The following RPTOR variants were observed in gnomAD, a reference collection of about 807,000 sequenced individuals.
The protein encoded by RPTOR is regulatory-associated protein of mTOR.
Under a neutral mutation model 169.9 loss-of-function variants are expected in RPTOR, and 21 were observed. That is an observed-to-expected ratio of 0.12 (90% confidence interval 0.09 to 0.18). RPTOR has a LOEUF of 0.18. Among genes scored for constraint, RPTOR ranks in the 10% least tolerant of loss-of-function variants. The pLI is 1.00. For synonymous variants in RPTOR, 732 were observed against 753.2 expected, an observed-to-expected ratio of 0.97 and a Z score of 0.46; for missense variants, 1,133 against 1,855.9, an observed-to-expected ratio of 0.61 and a Z score of 7.16.
At chr17:80,924,014 T>C (rs2068781656) in intron 23 of RPTOR, 1 of 355,976 alleles carries the variant, frequency 2.8e-6, no homozygotes, top group Admixed American at 4.4e-5. Flanking sequence ...GAGCACGGAG[T>C]TACCTGGCTC....
Position 80,878,352 on chromosome 17 carries a change from A to AT in RPTOR, c.1510-2051dup, listed in dbSNP as rs1309028931. On this transcript the variant is annotated intron_variant, in intron 13 of 33. Transcript: ENST00000306801. This position sits in a 1 kb window ranked among gnomAD's most constrained non-coding sequence, Gnocchi z 4.1. Reference sequence around the variant, plus strand: ...CTCTGACTCCACGACCTGAGCACAGATTTTTTTTTTTTGAGACGTAGTCTT... The same window carrying AT: ...CTCTGACTCCACGACCTGAGCACAGATTTTTTTTTTTTTGAGACGTAGTCTT... 3.9e-3 allele frequency among the ~76,000 whole-genome samples: 573 copies of AT among 147,904 alleles called. 3 individuals are homozygous for AT. Among genetic ancestry groups the AT allele is most frequent in the African/African-American group, 0.011 (465 of 40,518 alleles).
intron 2 of RPTOR, among the ~76,000 whole-genome samples, chr17:80,641,137 A>G (rs2065550988): frequency 6.6e-6 from 1 of 152,252 alleles, no homozygotes; most frequent in Admixed American, 6.5e-5. Context: ...GTCTGATCAC[A>G]GCACAGTTGA....
intron 7 of RPTOR, chr17:80,801,524 G>A (rs1412555840): frequency 1.3e-5 from 2 of 152,118 alleles, no homozygotes; most frequent in Admixed American, 6.5e-5. Flanking sequence ...CACAGGGTTT[G>A]GGGGGGCAGC....
At chr17:80,744,415 C>CCCTGGCTACTAGCACTGT (rs2066539110) in intron 5 of RPTOR, among the ~76,000 whole-genome samples, 1 of 28,628 alleles carries the variant, frequency 3.5e-5, no homozygotes, top group African/African-American at 1.1e-4. Flanking sequence ...ACTAGCACAG[C>CCCTGGCTACTAGCACTGT]CCTGGCTACT....
At position 80,707,242 on chromosome 17, in the gene RPTOR, G is replaced by A. The variant is rs1039421003; in HGVS notation, c.349-599G>A. 6.6e-6 allele frequency among the ~76,000 whole-genome samples: 1 copy of A among 152,182 alleles called. No homozygotes were observed. Among genetic ancestry groups the A allele is most frequent in the African/African-American group, 2.4e-5 (1 of 41,440 alleles). ...CTCCAGATGTTTTCAGAAGGACCGC[G>A]TACTTCTGAGAAACACTTGGTACCC... On this transcript the variant is annotated intron_variant, in intron 3 of 33. Transcript: ENST00000306801. This position sits in a 1 kb window ranked among gnomAD's most constrained non-coding sequence, Gnocchi z 5.0.
In RPTOR at chr17:80,960,394, C is replaced by A. The variant is rs111318423; in HGVS notation, c.3605+189C>A. ...GCCGCCAGGCCCGTCCCACTGAGGC[C>A]CATCCCACAAAGGTCTGCCCCACAG... On this transcript the variant is annotated intron_variant, in intron 30 of 33. Transcript: ENST00000306801. This position sits in a 1 kb window ranked among gnomAD's most constrained non-coding sequence, Gnocchi z 4.8. Among the ~76,000 whole-genome samples, 89 of 152,356 alleles carry A rather than the reference C, an allele frequency of 5.8e-4. No individual in the cohort carries two copies. Among genetic ancestry groups the A allele is most frequent in the African/African-American group, 1.8e-3 (75 of 41,582 alleles).
chr17:80,609,976 G>A lies in RPTOR; in HGVS notation c.163-15715G>A, dbSNP rs1296237656. On this transcript the variant is annotated intron_variant, in intron 1 of 33. Coordinates refer to ENST00000306801, the MANE Select transcript of RPTOR (RefSeq NM_020761.3). The surrounding 1 kb of genome is among the most constrained non-coding windows in gnomAD (Gnocchi z 4.8). Reference sequence around the variant, plus strand: ...GTCCTGGAACGAGGCCTTCCAGCAAGTCGGTTCTCACGTCAAGGGCATGTC... The same window carrying A: ...GTCCTGGAACGAGGCCTTCCAGCAAATCGGTTCTCACGTCAAGGGCATGTC... Among the ~76,000 whole-genome samples the A allele has an allele frequency of 2.0e-5, 3 of 152,318 alleles. No homozygotes were observed. In the East Asian group the frequency reaches 5.8e-4, roughly 29 times the overall value.
intron 3 of RPTOR, among the ~76,000 whole-genome samples, chr17:80,667,184 C>T (rs1050686641): frequency 3.3e-5 from 5 of 152,168 alleles, no homozygotes; most frequent in African/African-American, 4.8e-5. Context: ...TGTTGCCCCC[C>T]AGGGAGGCAG....
At chr17:80,843,274 C>G (rs2067690655) in intron 10 of RPTOR, among the ~76,000 whole-genome samples, 1 of 152,138 alleles carries the variant, frequency 6.6e-6, no homozygotes, top group Non-Finnish European at 1.5e-5. Context: ...TGATTTTTCT[C>G]TACTAACAGT....
intron 24 of RPTOR, among the ~76,000 whole-genome samples, chr17:80,931,500 T>G (rs1397276707): frequency 6.6e-6 from 1 of 152,130 alleles, no homozygotes; most frequent in Non-Finnish European, 1.5e-5. Context: ...CCCAGAAGAT[T>G]GAGGTGGGAC....
rs1362322710 is a variant in RPTOR, at chr17:80,845,483, C to A, written c.1213-990C>A. Among the ~76,000 whole-genome samples, 2 of 152,044 alleles carry A rather than the reference C, an allele frequency of 1.3e-5. 1 individual carries two copies. The highest frequency in any genetic ancestry group is 4.1e-4 in the South Asian group (2 of 4,822). On this transcript the variant is annotated intron_variant, in intron 10 of 33. Coordinates refer to ENST00000306801, the MANE Select transcript of RPTOR (RefSeq NM_020761.3). This position sits in a 1 kb window ranked among gnomAD's most constrained non-coding sequence, Gnocchi z 5.4. ...CTCTGCCGGGTCCTCCAGCCCTCCC[C>A]CTGCTTCTCTGCATCTGGGCCCCCT...
At chr17:80,824,692 C>T (rs896731253) in intron 9 of RPTOR, among the ~76,000 whole-genome samples, 4 of 152,186 alleles carry the variant, frequency 2.6e-5, no homozygotes, top group Admixed American at 6.5e-5. Flanking sequence ...GCACTCGGAG[C>T]GGGGTGGGCA....
intron 7 of RPTOR, among the ~76,000 whole-genome samples, chr17:80,807,126 C>CT: frequency 6.6e-6 from 1 of 152,138 alleles, no homozygotes. Flanking sequence ...CAGAATGCAT[C>CT]TTTTTTATCC....
intron 6 of RPTOR, among the ~76,000 whole-genome samples, chr17:80,768,839 C>G (rs1380851684): frequency 1.3e-5 from 2 of 152,132 alleles, no homozygotes; most frequent in African/African-American, 4.8e-5. Context: ...GCTCATGCCT[C>G]CATATTTAAT....
intron 5 of RPTOR, among the ~76,000 whole-genome samples, chr17:80,748,808 G>A (rs71368087): frequency 0.01 from 414 of 40,190 alleles, 4 homozygotes; most frequent in Non-Finnish European, 0.016. Context: ...AGGCCGTGGC[G>A]GGAGGACCTG....
chr17:80,899,311 A>G (rs1011090848), intron 20 of RPTOR, among the ~76,000 whole-genome samples: 1 of 152,238 alleles, frequency 6.6e-6, no homozygotes, highest in African/African-American at 2.4e-5. Flanking sequence ...TTAATGTTAC[A>G]TATAGTGGTT....
intron 7 of RPTOR, among the ~76,000 whole-genome samples, chr17:80,798,119 C>A (rs1215950278): frequency 6.6e-6 from 1 of 152,230 alleles, no homozygotes; most frequent in East Asian, 1.9e-4. Flanking sequence ...GGATGAGCTC[C>A]CAGCAATTCC....
At chr17:80,572,789 C>A (rs2064921554) in intron 1 of RPTOR, among the ~76,000 whole-genome samples, 1 of 152,128 alleles carries the variant, frequency 6.6e-6, no homozygotes, top group African/African-American at 2.4e-5. Context: ...TTTTCATGTT[C>A]CTTATGGGGT....
At chr17:80,670,444 A>G (rs1462108992) in intron 3 of RPTOR, among the ~76,000 whole-genome samples, 6 of 152,240 alleles carry the variant, frequency 3.9e-5, no homozygotes, top group Admixed American at 3.9e-4. Context: ...AACCATCCGG[A>G]GCGTTGCTGT....
Sources: gnomAD v4.1 joint callset for allele counts (sites outside exome capture counted in the v4.1 genomes callset) on GRCh38, gnomAD v4.1.1 for gene constraint, Gnocchi (gnomAD v3.1) non-coding constraint, MANE v1.5 for transcripts, NCBI Gene and HGNC (gene_info 2026-07-23, HGNC 2026-07-21) for gene names.